KSR2: variants seen among roughly 807,000 people sequenced by gnomAD.
KSR2 encodes the protein kinase suppressor of ras 2.
KSR2 carries 25 observed loss-of-function variants against 107.8 expected under a neutral mutation model. That is an observed-to-expected ratio of 0.23 (90% confidence interval 0.17 to 0.32). KSR2 has a LOEUF of 0.32. KSR2 is among the 10% of genes least tolerant of loss of function. KSR2 has a pLI of 1.00. For synonymous variants in KSR2, 480 were observed against 507.0 expected (o/e 0.95, Z 0.71); for missense variants, 887 against 1,268.9 (o/e 0.70, Z 4.57).
At chr12:117,650,385 T>G (rs1229607229) in intron 5 of KSR2, among the ~76,000 whole-genome samples, 1 of 152,164 alleles carries the variant, frequency 6.6e-6, no homozygotes, top group Non-Finnish European at 1.5e-5. Context: ...AAGTTAATAT[T>G]TAATAAACTC....
chr12:117,905,484 G>T (rs928659356), intron 1 of KSR2, among the ~76,000 whole-genome samples: 1 of 152,110 alleles, frequency 6.6e-6, no homozygotes, highest in Non-Finnish European at 1.5e-5. Flanking sequence ...ACCACATTCT[G>T]GGACACCTTC....
At chr12:117,961,608 G>A (rs910323793) in intron 1 of KSR2, among the ~76,000 whole-genome samples, 10 of 152,002 alleles carry the variant, frequency 6.6e-5, no homozygotes, top group East Asian at 1.9e-4. Flanking sequence ...CCAAGCTATC[G>A]CACCAACAGG....
At position 117,458,486 on chromosome 12, in the gene KSR2, C is replaced by A. The variant is rs1870735583; in HGVS notation, c.*8713G>T. The A allele has an allele frequency of 6.6e-6, 1 of 152,020 alleles. No individual in the cohort carries two copies. The highest frequency in any genetic ancestry group is 1.5e-5 in the Non-Finnish European group (1 of 68,032). The allele number at this position is 152,020 out of a possible 1,614,324, so 9.4% of individuals were successfully genotyped here. A position where few individuals can be genotyped will look rare whatever the true frequency, so the allele number is the denominator to read the frequency against. On this transcript the variant is annotated 3_prime_UTR_variant, in exon 20 of 20. Transcript: ENST00000339824. ...CTTTCAAATTTAAGAAGGCGCGATG[C>A]AAATAGCATGTTGGCATAAACAAGT...
intron 3 of KSR2, among the ~76,000 whole-genome samples, chr12:117,843,566 CAA>C (rs1455546741): frequency 1.3e-5 from 2 of 152,134 alleles, no homozygotes; most frequent in African/African-American, 4.8e-5. Flanking sequence ...GCTTGGGTGG[CAA>C]AAGAGAAGGA....
chr12:117,710,883 A>G (rs143019655), intron 4 of KSR2, among the ~76,000 whole-genome samples: 20 of 152,168 alleles, frequency 1.3e-4, no homozygotes, highest in Middle Eastern at 3.4e-3. Flanking sequence ...ACATTCTAAA[A>G]TCATTCCTGC....
At chr12:117,558,271 G>C (rs1026832682) in intron 8 of KSR2, among the ~76,000 whole-genome samples, 3 of 152,138 alleles carry the variant, frequency 2.0e-5, no homozygotes, top group African/African-American at 7.2e-5. Flanking sequence ...GGGAGACAAA[G>C]GGAGCTAAAG....
chr12:117,534,520 A>T (rs1482342909), intron 10 of KSR2, among the ~76,000 whole-genome samples: 1 of 152,070 alleles, frequency 6.6e-6, no homozygotes, highest in African/African-American at 2.4e-5. Flanking sequence ...ATCACAATCT[A>T]TAATCCTATT....
chr12:117,654,647 G>A (rs568762542), intron 5 of KSR2, among the ~76,000 whole-genome samples: 1 of 152,346 alleles, frequency 6.6e-6, no homozygotes, highest in South Asian at 2.1e-4. Context: ...CCAGTGGTTT[G>A]GCTGGATGGT....
intron 1 of KSR2, among the ~76,000 whole-genome samples, chr12:117,862,425 G>A (rs1893332293): frequency 6.6e-6 from 1 of 152,108 alleles, no homozygotes; most frequent in South Asian, 2.1e-4. Context: ...CAGCACTCTG[G>A]GTGGCCAAGG....
intron 3 of KSR2, among the ~76,000 whole-genome samples, chr12:117,804,841 A>G (rs1198113158): frequency 6.6e-6 from 1 of 152,192 alleles, no homozygotes; most frequent in Non-Finnish European, 1.5e-5. Context: ...CTCATTACAG[A>G]ACAATTCTAG....
At chr12:117,765,921 C>A (rs1440864949) in intron 3 of KSR2, among the ~76,000 whole-genome samples, 1 of 152,194 alleles carries the variant, frequency 6.6e-6, no homozygotes, top group African/African-American at 2.4e-5. Context: ...GTGAAAACAT[C>A]TATTCTGGGT....
At position 117,726,844 on chromosome 12, in the gene KSR2, C is replaced by CA. The variant is rs546642552; in HGVS notation, c.986+34166dup. 5.3e-3 allele frequency among the ~76,000 whole-genome samples: 799 copies of CA among 151,782 alleles called. 4 individuals carry two copies. The highest frequency in any genetic ancestry group is 7.8e-3 in the Non-Finnish European group (530 of 67,886). ...TGAGAATATATTTCCACAACAACAACAAAAAAAACTTGTACAAGAATGTTC... is the reference window on the plus strand; with the variant it reads ...TGAGAATATATTTCCACAACAACAACAAAAAAAAACTTGTACAAGAATGTTC... On this transcript the variant is annotated intron_variant, in intron 4 of 19. Transcript: ENST00000339824.
intron 5 of KSR2, among the ~76,000 whole-genome samples, chr12:117,653,408 CA>C (rs1258330563): frequency 6.6e-6 from 1 of 152,262 alleles, no homozygotes; most frequent in Non-Finnish European, 1.5e-5. Context: ...TGTCCTACCT[CA>C]GGGGTATAGA....
At chr12:117,517,878 A>T (rs1198593905) in intron 14 of KSR2, 3 of 455,998 alleles carry the variant, frequency 6.6e-6, no homozygotes, top group South Asian at 1.5e-5. Flanking sequence ...AATTAGAAAG[A>T]CCACAAGTAC....
At chr12:117,499,591 T>C (rs1873254654) in intron 14 of KSR2, among the ~76,000 whole-genome samples, 1 of 152,214 alleles carries the variant, frequency 6.6e-6, no homozygotes, top group Non-Finnish European at 1.5e-5. Context: ...GCTGTTACTC[T>C]GCGAGGAGAG....
At chr12:117,523,266 C>T (rs971519395) in intron 14 of KSR2, among the ~76,000 whole-genome samples, 11 of 152,180 alleles carry the variant, frequency 7.2e-5, no homozygotes, top group African/African-American at 2.7e-4. Flanking sequence ...TCTCTGAGCC[C>T]ACAGCATCTG....
chr12:117,685,325 TGAACCAGAG>T (rs1458072716), intron 4 of KSR2, among the ~76,000 whole-genome samples: 1 of 152,240 alleles, frequency 6.6e-6, no homozygotes, highest in East Asian at 1.9e-4. Context: ...CATTTCCGAC[TGAACCAGAG>T]CTCGTGACAG....
Position 117,718,842 on chromosome 12 carries a change from C to T in KSR2, c.986+42169G>A, listed in dbSNP as rs548669724. ...CCTTTCAGCTGCGTGTTGATCCCCGCTATGTCCCCTCTGCCATACCATCAT... is the reference window on the plus strand; with the variant it reads ...CCTTTCAGCTGCGTGTTGATCCCCGTTATGTCCCCTCTGCCATACCATCAT... On this transcript the variant is annotated intron_variant, in intron 4 of 19. Transcript: ENST00000339824. Among the ~76,000 whole-genome samples, 29 of 152,286 alleles carry T rather than the reference C, an allele frequency of 1.9e-4. No homozygotes were observed. The South Asian group carries it at 4.8e-3, about 25-fold the overall frequency.
chr12:117,623,587 C>T lies in KSR2; in HGVS notation c.1172-41228G>A, dbSNP rs7488820. Among the ~76,000 whole-genome samples the T allele has an allele frequency of 4.1e-3, 625 of 152,316 alleles. 2 individuals carry two copies. The highest frequency in any genetic ancestry group is 0.017 in the Middle Eastern group (5 of 294). On this transcript the variant is annotated intron_variant, in intron 5 of 19. Transcript: ENST00000339824. ...TCCTTTTTTATGGCTGCATAGTATT[C>T]CATGGTGTATATGTGCCACATTTGC...
Sources: allele counts gnomAD v4.1 joint callset (sites outside exome capture counted in the v4.1 genomes callset), GRCh38; gene constraint gnomAD v4.1.1; transcripts MANE v1.5; gene names NCBI Gene and HGNC (gene_info 2026-07-23, HGNC 2026-07-21).